The following CRYZ variants were observed in gnomAD, a reference collection of about 807,000 sequenced individuals.
CRYZ encodes the protein crystallin zeta.
Under a neutral mutation model 34.1 loss-of-function variants are expected in CRYZ, and 35 were observed. The ratio of observed to expected loss-of-function variants is 1.03; its 90% CI spans 0.78 to 1.36. The LOEUF is 1.36. CRYZ is among the 40% of genes most tolerant of loss of function. The pLI, the probability that CRYZ is intolerant of heterozygous loss-of-function variation, is 0.00. For synonymous variants in CRYZ, 137 were observed against 136.5 expected, an observed-to-expected ratio of 1.00 and a Z score of -0.03; for missense variants, 403 against 391.8, an observed-to-expected ratio of 1.03 and a Z score of -0.24.
At chr1:74,719,414 A>G (rs760892503) in intron 3 of CRYZ, 42 bp from the exon 4 acceptor site, 2 of 1,551,990 alleles carry the variant, frequency 1.3e-6, no homozygotes, top group East Asian at 2.3e-5. Flanking sequence ...AAGACTAAAC[A>G]TATTATGTCA....
chr1:74,710,912 A>G (rs892111390), intron 5 of CRYZ, among the ~76,000 whole-genome samples: 1 of 152,230 alleles, frequency 6.6e-6, no homozygotes, highest in Non-Finnish European at 1.5e-5. Context: ...AGAAAAAATA[A>G]GACTGGCTGT....
chr1:74,716,988 T>C (rs1261755431), intron 4 of CRYZ, among the ~76,000 whole-genome samples: 1 of 152,198 alleles, frequency 6.6e-6, no homozygotes, highest in African/African-American at 2.4e-5. Context: ...TCTTAAAATA[T>C]CACTTTTTGC....
chr1:74,730,846 C>T (rs2100740128), intron 1 of CRYZ, among the ~76,000 whole-genome samples: 1 of 152,260 alleles, frequency 6.6e-6, no homozygotes, highest in East Asian at 1.9e-4. Flanking sequence ...AATGTGAAAT[C>T]AAACTAACCT....
intron 1 of CRYZ, among the ~76,000 whole-genome samples, chr1:74,726,894 C>A (rs190215974): frequency 1.3e-5 from 2 of 152,240 alleles, no homozygotes; most frequent in African/African-American, 4.8e-5. Flanking sequence ...GTTCAATGCT[C>A]CACAGATGTC....
chr1:74,713,611 A>G (rs1294898380), intron 5 of CRYZ, among the ~76,000 whole-genome samples: 10 of 148,800 alleles, frequency 6.7e-5, no homozygotes, highest in Non-Finnish European at 1.5e-4. Context: ...CTAAAGAAAC[A>G]GAGAGACAAA....
intron 4 of CRYZ, 40 bp downstream of exon 4, chr1:74,719,168 CT>C: frequency 6.2e-7 from 1 of 1,600,198 alleles, no homozygotes; most frequent in Non-Finnish European, 8.6e-7. Flanking sequence ...ACACTACCCT[CT>C]TTTGGCATTG....
At position 74,719,284 on chromosome 1, in the gene CRYZ, G is replaced by C. The variant is rs763455323; in HGVS notation, c.353C>G (p.Pro118Arg). The change falls in exon 4 of 9, where the codon CCT becomes CGT. Residue 118 changes from proline (P) to arginine (R), a missense_variant. Pro to Arg is a moderately radical substitution (Grantham distance 103). Transcript: ENST00000340866. ...TCCTTGTTTAAAGTCCAGTTTTTCA[G>C]GTAGTTTGTAAACAGTGTGGTCTGC... ...LAADHTVYKL[P>R]EKLDFKQGAA... 1 of 1,613,824 alleles carries C rather than the reference G, an allele frequency of 6.2e-7. No individual in the cohort carries two copies. The highest frequency in any genetic ancestry group is 2.2e-5 in the East Asian group (1 of 44,870).
At chr1:74,724,449 A>G (rs979602021) in intron 2 of CRYZ, among the ~76,000 whole-genome samples, 1 of 152,244 alleles carries the variant, frequency 6.6e-6, no homozygotes, top group African/African-American at 2.4e-5. Context: ...TCCATTCAGA[A>G]AAATCCAATT....
At chr1:74,728,301 C>T (rs1228509930) in intron 1 of CRYZ, among the ~76,000 whole-genome samples, 1 of 152,062 alleles carries the variant, frequency 6.6e-6, no homozygotes, top group Non-Finnish European at 1.5e-5. Flanking sequence ...CTGTTAATAC[C>T]AAAGGAAATG....
chr1:74,729,788 T>C (rs1647604200), intron 1 of CRYZ, among the ~76,000 whole-genome samples: 1 of 152,188 alleles, frequency 6.6e-6, no homozygotes, highest in Non-Finnish European at 1.5e-5. Flanking sequence ...TCTCAAAGAA[T>C]TCGGTCTAGA....
At position 74,706,887 on chromosome 1, in the gene CRYZ, T is replaced by C. The variant is rs1398461036; in HGVS notation, c.828+12A>G. The C allele has an allele frequency of 6.2e-7, 1 of 1,606,722 alleles. No individual in the cohort carries two copies. Among genetic ancestry groups the C allele is most frequent in the South Asian group, 1.1e-5 (1 of 90,784 alleles). ...TTTAAGTTACCAAAATCAGAAGTACTTCTTTTCCTACCTTGGTTGAGGAAA... is the reference window on the plus strand; with the variant it reads ...TTTAAGTTACCAAAATCAGAAGTACCTCTTTTCCTACCTTGGTTGAGGAAA... On this transcript the variant is annotated intron_variant, in intron 8 of 8. Coordinates refer to ENST00000340866, the MANE Select transcript of CRYZ (RefSeq NM_001889.4).
At chr1:74,711,154 G>A (rs993767843) in intron 5 of CRYZ, among the ~76,000 whole-genome samples, 1 of 152,190 alleles carries the variant, frequency 6.6e-6, no homozygotes, top group Admixed American at 6.5e-5. Flanking sequence ...GTACGAAAGG[G>A]TCGAAGATGA....
At chr1:74,722,866 A>G (rs1448511392) in intron 3 of CRYZ, among the ~76,000 whole-genome samples, 1 of 152,084 alleles carries the variant, frequency 6.6e-6, no homozygotes, top group Non-Finnish European at 1.5e-5. Context: ...AAAAAAAATC[A>G]CAGTTCATTC....
chr1:74,721,352 A>AAAGAAT (rs1647160502), intron 3 of CRYZ, among the ~76,000 whole-genome samples: 2 of 152,196 alleles, frequency 1.3e-5, no homozygotes, highest in Non-Finnish European at 2.9e-5. Flanking sequence ...ACTGAAGAAT[A>AAAGAAT]AACTACACTG....
Position 74,707,090 on chromosome 1 carries a change from A to C in CRYZ, c.732+13T>G. 1 of 1,500,546 alleles carries C rather than the reference A, an allele frequency of 6.7e-7. No homozygotes were observed. Among genetic ancestry groups the C allele is most frequent in the Non-Finnish European group, 9.1e-7 (1 of 1,093,750 alleles). 93.0% of individuals were successfully genotyped at this position (1,500,546 alleles called of 1,614,324 possible). The stretch of plus-strand genomic sequence containing the variant: ...AAAGTGGTAAAAAAAAAAAAAAGAA[A>C]AGGAATACTTACTATCACTCGTCCT... On this transcript the variant is annotated intron_variant, in intron 7 of 8. Coordinates refer to ENST00000340866, the MANE Select transcript of CRYZ (RefSeq NM_001889.4).
chr1:74,719,499 A>C, intron 3 of CRYZ, 127 bp from the exon 4 acceptor site: 1 of 864,690 alleles, frequency 1.2e-6, no homozygotes, highest in Non-Finnish European at 1.6e-6. Flanking sequence ...TCATATAAAT[A>C]ATTTTTTTTT....
chr1:74,732,602 G>GC (rs1444579734), intron 1 of CRYZ, among the ~76,000 whole-genome samples: 12 of 8,378 alleles, frequency 1.4e-3, no homozygotes, highest in African/African-American at 2.9e-3. Context: ...ACTGGCGGGG[G>GC]GGGGGGGGGG....
At chr1:74,728,639 T>C (rs1193569402) in intron 1 of CRYZ, among the ~76,000 whole-genome samples, 1 of 152,204 alleles carries the variant, frequency 6.6e-6, no homozygotes, top group Non-Finnish European at 1.5e-5. Context: ...GGCTATAAAA[T>C]GTCATTCCAC....
At chr1:74,711,312 G>A (rs1334263670) in intron 5 of CRYZ, among the ~76,000 whole-genome samples, 1 of 152,224 alleles carries the variant, frequency 6.6e-6, no homozygotes, top group Non-Finnish European at 1.5e-5. Context: ...AATTACATGT[G>A]AGGCACAAAG....
Sources: gnomAD v4.1 joint callset for allele counts (sites outside exome capture counted in the v4.1 genomes callset) on GRCh38, gnomAD v4.1.1 for gene constraint, MANE v1.5 for transcripts, NCBI Gene and HGNC (gene_info 2026-07-23, HGNC 2026-07-21) for gene names.